CSMD1: variants seen among roughly 807,000 people sequenced by gnomAD.
The protein encoded by CSMD1 is CUB and sushi domain-containing protein 1.
Under a neutral mutation model 417.5 loss-of-function variants are expected in CSMD1, and 213 were observed. The ratio of observed to expected loss-of-function variants is 0.51; its 90% CI spans 0.46 to 0.57. CSMD1 has a LOEUF of 0.57. Among genes scored for constraint, CSMD1 ranks in the 20% least tolerant of loss-of-function variants. CSMD1 has a pLI of 0.00. For missense variants in CSMD1, 6,923 were observed against 4,529.7 expected (o/e 1.53, Z -15.17); for synonymous variants, 2,862 against 1,736.8 (o/e 1.65, Z -16.11).
intron 5 of CSMD1, among the ~76,000 whole-genome samples, chr8:3,960,176 C>T (rs1480138797): frequency 1.3e-5 from 2 of 152,030 alleles, no homozygotes; most frequent in Non-Finnish European, 2.9e-5. Context: ...TTGTATGTTG[C>T]CTTTACTTGT....
chr8:4,378,268 T>C (rs979901756), intron 3 of CSMD1, among the ~76,000 whole-genome samples: 11 of 152,386 alleles, frequency 7.2e-5, no homozygotes, highest in East Asian at 1.9e-4. Context: ...GTCAATACAT[T>C]GTCCCTGTTA....
At chr8:3,847,582 G>C (rs1803594276) in intron 5 of CSMD1, among the ~76,000 whole-genome samples, 1 of 152,110 alleles carries the variant, frequency 6.6e-6, no homozygotes, top group Non-Finnish European at 1.5e-5. Context: ...GAGGCCCTGA[G>C]AGAAGACTGG....
At chr8:4,784,543 G>T (rs929001758) in intron 1 of CSMD1, among the ~76,000 whole-genome samples, 2 of 152,144 alleles carry the variant, frequency 1.3e-5, no homozygotes, top group Non-Finnish European at 2.9e-5. Flanking sequence ...AGTGTTTTAA[G>T]ATTTAGTTTT....
chr8:3,882,097 T>G (rs10090300), intron 5 of CSMD1, among the ~76,000 whole-genome samples: 1 of 152,184 alleles, frequency 6.6e-6, no homozygotes, highest in African/African-American at 2.4e-5. Context: ...TAAGAAATTC[T>G]GGTCAAACCA....
intron 3 of CSMD1, among the ~76,000 whole-genome samples, chr8:4,403,998 T>C (rs1804837968): frequency 6.6e-6 from 1 of 152,156 alleles, no homozygotes; most frequent in Non-Finnish European, 1.5e-5. Flanking sequence ...GGTCAACCAA[T>C]CAATTAGCAA....
rs760545318 is a variant in CSMD1, at chr8:2,936,288, G to C, written c.*2297C>G. 6.6e-6 allele frequency: 1 copy of C among 151,738 alleles called. No individual in the cohort carries two copies. The highest frequency in any genetic ancestry group is 1.5e-5 in the Non-Finnish European group (1 of 68,002). 9.4% of individuals were successfully genotyped at this position (151,738 alleles called of 1,614,324 possible). On this transcript the variant is annotated 3_prime_UTR_variant, in exon 70 of 70. Coordinates refer to ENST00000635120, the MANE Select transcript of CSMD1 (RefSeq NM_033225.6). Reference sequence around the variant, plus strand: ...ATCGTTGACCAGGGAGCAGGTCAGGGATATGGGAACAGAGATGTTAATTCA... The same window carrying C: ...ATCGTTGACCAGGGAGCAGGTCAGGCATATGGGAACAGAGATGTTAATTCA...
chr8:4,598,806 A>T (rs73502564), intron 2 of CSMD1, among the ~76,000 whole-genome samples: 4,549 of 152,260 alleles, frequency 0.03, 103 homozygotes, highest in African/African-American at 0.066. Context: ...TAGGTTGAGT[A>T]TTAAATAGAA....
intron 5 of CSMD1, among the ~76,000 whole-genome samples, chr8:3,901,539 T>A (rs1173995292): frequency 6.6e-6 from 1 of 152,234 alleles, no homozygotes; most frequent in Non-Finnish European, 1.5e-5. Context: ...TACACCAACC[T>A]GCCGATCACG....
At chr8:4,970,148 C>T (rs1233116096) in intron 1 of CSMD1, among the ~76,000 whole-genome samples, 2 of 151,934 alleles carry the variant, frequency 1.3e-5, no homozygotes, top group South Asian at 2.1e-4. Context: ...AAGGCATATC[C>T]TACTTTATTA....
chr8:4,615,623 A>G (rs1801431359), intron 2 of CSMD1, among the ~76,000 whole-genome samples: 1 of 152,184 alleles, frequency 6.6e-6, no homozygotes, highest in African/African-American at 2.4e-5. Flanking sequence ...GCCAAAAGTC[A>G]TTCTTAAATA....
At chr8:3,344,447 G>C (rs956265383) in intron 22 of CSMD1, among the ~76,000 whole-genome samples, 1 of 152,094 alleles carries the variant, frequency 6.6e-6, no homozygotes, top group Non-Finnish European at 1.5e-5. Flanking sequence ...GTATCCCAGA[G>C]CTTAAGATAA....
At chr8:3,731,674 C>A (rs1379266069) in intron 6 of CSMD1, among the ~76,000 whole-genome samples, 3 of 152,072 alleles carry the variant, frequency 2.0e-5, no homozygotes, top group African/African-American at 7.2e-5. Context: ...GGGAGGTCAG[C>A]AACAATTGAG....
At chr8:4,430,979 C>T (rs1359905272) in intron 2 of CSMD1, among the ~76,000 whole-genome samples, 3 of 152,126 alleles carry the variant, frequency 2.0e-5, no homozygotes, top group African/African-American at 7.2e-5. Context: ...TCAATCTTTT[C>T]TCCCCTCAGT....
At chr8:3,960,100 T>G (rs571583642) in intron 5 of CSMD1, among the ~76,000 whole-genome samples, 1 of 152,338 alleles carries the variant, frequency 6.6e-6, no homozygotes, top group Admixed American at 6.5e-5. Flanking sequence ...TGGAGCTAAG[T>G]GGAAACACAG....
At chr8:4,890,094 T>C (rs1027232247) in intron 1 of CSMD1, among the ~76,000 whole-genome samples, 3 of 152,112 alleles carry the variant, frequency 2.0e-5, no homozygotes, top group African/African-American at 7.2e-5. Context: ...CAGAAACTAG[T>C]TCTAAGAAAG....
intron 3 of CSMD1, among the ~76,000 whole-genome samples, chr8:4,405,311 T>A (rs1804931887): frequency 6.6e-6 from 1 of 151,962 alleles, no homozygotes; most frequent in Non-Finnish European, 1.5e-5. Context: ...AACTTCCACT[T>A]AGTTTTTTTC....
chr8:3,199,181 T>C (rs1048325227), intron 33 of CSMD1, among the ~76,000 whole-genome samples: 1 of 152,172 alleles, frequency 6.6e-6, no homozygotes, highest in Non-Finnish European at 1.5e-5. Context: ...AGTATAAAGG[T>C]GTAAAAGTAC....
At chr8:3,536,321 G>A (rs1798197273) in intron 10 of CSMD1, among the ~76,000 whole-genome samples, 1 of 152,158 alleles carries the variant, frequency 6.6e-6, no homozygotes, top group Non-Finnish European at 1.5e-5. Flanking sequence ...ATTTAAAATG[G>A]CAGCCTGTGG....
chr8:3,478,201 T>C (rs944899048), intron 11 of CSMD1, among the ~76,000 whole-genome samples: 3 of 152,238 alleles, frequency 2.0e-5, no homozygotes, highest in Non-Finnish European at 1.5e-5. Context: ...ACATCAATCA[T>C]TTACAATCGC....
Sources: gnomAD v4.1 joint callset for allele counts (sites outside exome capture counted in the v4.1 genomes callset) on GRCh38, gnomAD v4.1.1 for gene constraint, MANE v1.5 for transcripts, NCBI Gene and HGNC (gene_info 2026-07-23, HGNC 2026-07-21) for gene names.